The following TASP1 variants were observed in gnomAD, a reference collection of about 807,000 sequenced individuals.
The protein encoded by TASP1 is threonine aspartase 1.
A neutral mutation model predicts 56.6 loss-of-function variants in TASP1; 16 were observed. That is an observed-to-expected ratio of 0.28 (90% CI 0.19 to 0.43). TASP1 has a LOEUF of 0.43. Ranked by LOEUF, TASP1 falls within the 20% of genes least tolerant of loss-of-function variation. TASP1 has a pLI of 1.00. For missense variants in TASP1, 393 were observed against 511.6 expected, an observed-to-expected ratio of 0.77 and a Z score of 2.24; for synonymous variants, 179 against 184.2, an observed-to-expected ratio of 0.97 and a Z score of 0.23.
intron 5 of TASP1, among the ~76,000 whole-genome samples, chr20:13,583,066 G>A (rs1410130752): frequency 6.6e-6 from 1 of 152,156 alleles, no homozygotes; most frequent in Non-Finnish European, 1.5e-5. Flanking sequence ...CAGCAGCATA[G>A]CTGAGAGCTC....
At chr20:13,543,119 CCAG>C (rs1293638305) in intron 8 of TASP1, among the ~76,000 whole-genome samples, 2 of 152,160 alleles carry the variant, frequency 1.3e-5, no homozygotes. Context: ...GCCCATCCCT[CCAG>C]CCTTGTCCTC....
chr20:13,346,759 C>G, the TASP1 span, among the ~76,000 whole-genome samples: 2 of 152,218 alleles, frequency 1.3e-5, no homozygotes, highest in Non-Finnish European at 2.9e-5. Flanking sequence ...TCTGTTAAGT[C>G]ATTGTTTAGT....
chr20:13,292,298 AT>A, the TASP1 span: 55 of 891,000 alleles, frequency 6.2e-5, no homozygotes, highest in Non-Finnish European at 9.3e-5. Flanking sequence ...AGGTGTATTT[AT>A]TTTTTTATTG....
chr20:13,340,755 A>T, the TASP1 span, among the ~76,000 whole-genome samples: 27 of 152,320 alleles, frequency 1.8e-4, 1 homozygote, highest in African/African-American at 5.1e-4. Context: ...GATCAAATAC[A>T]TGTCTTTTTG....
chr20:13,117,429 G>A, the TASP1 span: 35 of 1,349,108 alleles, frequency 2.6e-5, no homozygotes, highest in South Asian at 4.6e-4. Flanking sequence ...GACTGTCTAG[G>A]ATGTATTGAT....
chr20:13,224,396 C>G, the TASP1 span, among the ~76,000 whole-genome samples: 1 of 152,056 alleles, frequency 6.6e-6, no homozygotes, highest in African/African-American at 2.4e-5. Context: ...GTTTTCAGGC[C>G]CCAGAAAGTG....
chr20:13,365,305 A>G, the TASP1 span, among the ~76,000 whole-genome samples: 1 of 152,236 alleles, frequency 6.6e-6, no homozygotes, highest in Non-Finnish European at 1.5e-5. Context: ...GGAATTGAGC[A>G]ATGAATGAGA....
chr20:13,622,389 A>G (rs2048747596), intron 4 of TASP1, among the ~76,000 whole-genome samples: 1 of 152,204 alleles, frequency 6.6e-6, no homozygotes, highest in South Asian at 2.1e-4. Flanking sequence ...CAGATTCAAT[A>G]GAACTAGGTG....
At chr20:13,279,227 T>G in the TASP1 span, among the ~76,000 whole-genome samples, 17 of 152,324 alleles carry the variant, frequency 1.1e-4, no homozygotes, top group African/African-American at 3.6e-4. Flanking sequence ...ATTATTCTGG[T>G]ATCACTTCAG....
the TASP1 span, among the ~76,000 whole-genome samples, chr20:13,348,969 C>T: frequency 4.6e-5 from 7 of 152,160 alleles, no homozygotes; most frequent in Admixed American, 3.9e-4. Flanking sequence ...TTTGACAGTC[C>T]TCAATTAGAG....
chr20:13,165,333 T>C, the TASP1 span: 1 of 154,800 alleles, frequency 6.5e-6, no homozygotes, highest in Non-Finnish European at 1.4e-5. Flanking sequence ...CAGCTAGATC[T>C]CATCTGTATC....
chr20:13,148,058 C>T, the TASP1 span, among the ~76,000 whole-genome samples: 1 of 152,150 alleles, frequency 6.6e-6, no homozygotes, highest in African/African-American at 2.4e-5. Context: ...AATGGTTTAA[C>T]AGAGAAGAAA....
chr20:13,324,320 C>A, the TASP1 span, among the ~76,000 whole-genome samples: 1 of 152,150 alleles, frequency 6.6e-6, no homozygotes, highest in Admixed American at 6.5e-5. Flanking sequence ...TTGTAGGGAA[C>A]AATTGCCTTG....
intron 11 of TASP1, among the ~76,000 whole-genome samples, chr20:13,448,234 C>T (rs1248022320): frequency 1.3e-5 from 2 of 152,062 alleles, no homozygotes; most frequent in South Asian, 2.1e-4. Flanking sequence ...TTGAAAAAGG[C>T]CTCTCTTACC....
the TASP1 span, among the ~76,000 whole-genome samples, chr20:13,369,212 G>A: frequency 2.6e-5 from 4 of 152,198 alleles, no homozygotes; most frequent in African/African-American, 7.2e-5. Flanking sequence ...TTGGGAGGCT[G>A]AGGCAGGTGG....
chr20:13,279,828 C>T, the TASP1 span: 42 of 1,613,302 alleles, frequency 2.6e-5, no homozygotes, highest in African/African-American at 5.1e-4. Flanking sequence ...ACTTCCTCAA[C>T]CCCCCCAGGG....
chr20:13,170,268 T>G, the TASP1 span, among the ~76,000 whole-genome samples: 1 of 152,198 alleles, frequency 6.6e-6, no homozygotes, highest in Non-Finnish European at 1.5e-5. Flanking sequence ...GGTAGATTGT[T>G]TTTTCTTAGA....
the TASP1 span, among the ~76,000 whole-genome samples, chr20:13,253,937 G>A: frequency 3.3e-5 from 5 of 151,402 alleles, no homozygotes; most frequent in African/African-American, 9.7e-5. Context: ...GTATTTATGG[G>A]CCAGGCACAG....
the TASP1 span, among the ~76,000 whole-genome samples, chr20:13,319,241 T>C: frequency 2.6e-5 from 4 of 152,054 alleles, no homozygotes; most frequent in African/African-American, 9.7e-5. Flanking sequence ...AAACACTAAT[T>C]GCAGAAAACC....
Sources: gnomAD v4.1 joint callset for allele counts (sites outside exome capture counted in the v4.1 genomes callset) on GRCh38, gnomAD v4.1.1 for gene constraint, MANE v1.5 for transcripts, NCBI Gene and HGNC (gene_info 2026-07-23, HGNC 2026-07-21) for gene names.